Variants in CPLX2 observed in about 807,000 individuals in gnomAD.
CPLX2 encodes complexin 2, also known as complexin-2.
A neutral mutation model predicts 16.3 loss-of-function variants in CPLX2; 5 were observed. The ratio of observed to expected loss-of-function variants is 0.31; its 90% CI spans 0.16 to 0.64. CPLX2 has a LOEUF of 0.64. Ranked by LOEUF, CPLX2 falls within the 30% of genes least tolerant of loss-of-function variation. The pLI is 0.79. For synonymous variants in CPLX2, 89 were observed against 73.2 expected, an observed-to-expected ratio of 1.22 and a Z score of -1.10; for missense variants, 144 against 181.4, an observed-to-expected ratio of 0.79 and a Z score of 1.18.
chr5:175,851,018 C>T (rs1759140907), intron 2 of CPLX2, among the ~76,000 whole-genome samples: 1 of 151,516 alleles, frequency 6.6e-6, no homozygotes, highest in Admixed American at 6.6e-5. Context: ...TCCAAGCAGA[C>T]CAGGGATTTG....
At chr5:175,846,752 C>G (rs1351865718) in intron 2 of CPLX2, among the ~76,000 whole-genome samples, 1 of 152,180 alleles carries the variant, frequency 6.6e-6, no homozygotes, top group Non-Finnish European at 1.5e-5. Flanking sequence ...CTCCCCCATG[C>G]CTGTAAGCTG....
intron 1 of CPLX2, among the ~76,000 whole-genome samples, chr5:175,806,217 G>C (rs1758196832): frequency 6.6e-6 from 1 of 151,388 alleles, no homozygotes; most frequent in Non-Finnish European, 1.5e-5. Flanking sequence ...TGGCCCTGAG[G>C]CTCCAGCCAA....
rs115171284 is a variant in CPLX2, at chr5:175,850,852, G to A, written c.-88-27800G>A. On this transcript the variant is annotated intron_variant, in intron 2 of 4. Coordinates refer to the CPLX2 transcript ENST00000359546. ...GAACCAGGTGAGGGCTGGGAGTGAC[G>A]AAGGGGCTGAGGGAGCCAGGCTGAG... Among the ~76,000 whole-genome samples the A allele has an allele frequency of 2.1e-3, 324 of 152,200 alleles. 2 individuals carry two copies. Among genetic ancestry groups the A allele is most frequent in the African/African-American group, 7.0e-3 (289 of 41,546 alleles).
chr5:175,867,010 G>GGCT (rs1264685977), upstream of CPLX2, among the ~76,000 whole-genome samples: 3 of 152,200 alleles, frequency 2.0e-5, no homozygotes, highest in East Asian at 5.8e-4. Context: ...AGGACTTCAG[G>GGCT]GCTGCAGTGA....
intron 2 of CPLX2, among the ~76,000 whole-genome samples, chr5:175,866,125 C>A (rs953378826): frequency 2.6e-5 from 4 of 152,224 alleles, no homozygotes; most frequent in Admixed American, 2.0e-4. Flanking sequence ...GGTGGACAGA[C>A]ACTCAGGAGG....
intron 2 of CPLX2, among the ~76,000 whole-genome samples, chr5:175,833,045 A>C (rs1758760196): frequency 6.6e-6 from 1 of 151,854 alleles, no homozygotes; most frequent in African/African-American, 2.4e-5. Context: ...AATCCCAGCT[A>C]CTCGGGAGGC....
At chr5:175,842,496 C>T (rs895295616) in intron 2 of CPLX2, among the ~76,000 whole-genome samples, 44 of 152,360 alleles carry the variant, frequency 2.9e-4, no homozygotes, top group Middle Eastern at 3.4e-3. Flanking sequence ...CTTTAGCAAA[C>T]GGCCCCGCTT....
intron 2 of CPLX2, among the ~76,000 whole-genome samples, chr5:175,851,974 G>A (rs541352116): frequency 3.3e-5 from 5 of 152,304 alleles, no homozygotes; most frequent in African/African-American, 7.2e-5. Flanking sequence ...TTTCTGCACC[G>A]TGTTTCTTTT....
intron 1 of CPLX2, among the ~76,000 whole-genome samples, chr5:175,805,212 C>T (rs577071235): frequency 9.9e-5 from 15 of 152,234 alleles, no homozygotes; most frequent in African/African-American, 2.4e-4. Flanking sequence ...TTTCAGTTGA[C>T]GCCATTTCAG....
chr5:175,879,105 G>C, intron 3 of CPLX2, 22 bp downstream of exon 3: 1 of 1,549,180 alleles, frequency 6.5e-7, no homozygotes, highest in South Asian at 1.2e-5. Context: ...CCGCCCGCCC[G>C]TCCTGGGGAG....
chr5:175,879,877 A>C lies in CPLX2; in HGVS notation c.237A>C (p.Glu79Asp). The C allele has an allele frequency of 6.2e-7, 1 of 1,613,032 alleles. No individual in the cohort carries two copies. ...KYGLKKKEEK[E>D]AEEKAALEQP... ...GGCTGAAGAAGAAGGAGGAGAAGGAAGCAGAGGAGAAAGCAGCCCTGGAGC... is the reference window on the plus strand; with the variant it reads ...GGCTGAAGAAGAAGGAGGAGAAGGACGCAGAGGAGAAAGCAGCCCTGGAGC... The change falls in exon 4 of 4, where the codon GAA (glutamate) becomes GAC (aspartate). Residue 79 changes from glutamate to aspartate, a missense_variant. Transcript: ENST00000393745.
At chr5:175,875,830 T>G (rs1029667507) in intron 1 of CPLX2, among the ~76,000 whole-genome samples, 14 of 151,948 alleles carry the variant, frequency 9.2e-5, no homozygotes, top group African/African-American at 3.4e-4. Context: ...CTCGGGAATT[T>G]CAGATAAAGA....
chr5:175,803,809 C>T (rs1282118619), intron 1 of CPLX2, among the ~76,000 whole-genome samples: 2 of 152,232 alleles, frequency 1.3e-5, no homozygotes, highest in Non-Finnish European at 2.9e-5. Context: ...GGCCACAGTC[C>T]CTGCTGCCAT....
chr5:175,807,479 T>C (rs1277807722), intron 1 of CPLX2, among the ~76,000 whole-genome samples: 1 of 152,238 alleles, frequency 6.6e-6, no homozygotes, highest in Non-Finnish European at 1.5e-5. Flanking sequence ...GCTCGTTCCC[T>C]GGGCAGACAG....
chr5:175,804,600 G>T (rs1758160543), intron 1 of CPLX2, among the ~76,000 whole-genome samples: 1 of 152,166 alleles, frequency 6.6e-6, no homozygotes, highest in Non-Finnish European at 1.5e-5. Context: ...CTCAATGTGT[G>T]GTCCACGGAC....
intron 1 of CPLX2, among the ~76,000 whole-genome samples, chr5:175,800,487 G>GAAA (rs11403547): frequency 2.0e-5 from 3 of 147,978 alleles, no homozygotes; most frequent in Admixed American, 6.7e-5. Flanking sequence ...TCTGTCTCCA[G>GAAA]AAAAAAAAAA....
intron 2 of CPLX2, 52 bp downstream of exon 2, chr5:175,878,822 A>C: frequency 1.2e-6 from 2 of 1,609,988 alleles, no homozygotes; most frequent in East Asian, 2.2e-5. Context: ...CCCTTGTGGG[A>C]GGTGGCCTCG....
Position 175,802,088 on chromosome 5 carries a change from T to C in CPLX2, c.-169+5304T>C, listed in dbSNP as rs114687002. On this transcript the variant is annotated intron_variant, in intron 1 of 4. Transcript: ENST00000359546. ...ATTGCATCCTCAGAGTCTAGAATAA[T>C]GCCTAGGGTATTCTCAGAAAATATT... Among the ~76,000 whole-genome samples the C allele has an allele frequency of 9.5e-3, 1,440 of 152,304 alleles. 25 individuals carry two copies. The highest frequency in any genetic ancestry group is 0.034 in the African/African-American group (1,402 of 41,548).
chr5:175,801,599 G>T (rs1758097886), intron 1 of CPLX2, among the ~76,000 whole-genome samples: 1 of 152,210 alleles, frequency 6.6e-6, no homozygotes, highest in African/African-American at 2.4e-5. Context: ...GTTTACCCTT[G>T]TGTGACTCGA....
Sources: allele counts gnomAD v4.1 joint callset (sites outside exome capture counted in the v4.1 genomes callset), GRCh38; gene constraint gnomAD v4.1.1; transcripts MANE v1.5; gene names NCBI Gene and HGNC (gene_info 2026-07-23, HGNC 2026-07-21).